The following ANXA11 variants were observed in gnomAD, a reference collection of about 807,000 sequenced individuals.
ANXA11 encodes 56 kDa autoantigen.
ANXA11 carries 57 observed loss-of-function variants against 64.7 expected under a neutral mutation model. The observed-to-expected ratio is 0.88, with a 90% CI of 0.71 to 1.10. The LOEUF is 1.10. Among genes scored for constraint, ANXA11 ranks in the 50% least tolerant of loss-of-function variants. ANXA11 has a pLI of 0.00. For missense variants in ANXA11, 675 were observed against 670.7 expected, an observed-to-expected ratio of 1.01 and a Z score of -0.07; for synonymous variants, 260 against 265.2, an observed-to-expected ratio of 0.98 and a Z score of 0.19.
chr10:80,165,508 A>G (rs1033561207), intron 8 of ANXA11, among the ~76,000 whole-genome samples: 1 of 152,182 alleles, frequency 6.6e-6, no homozygotes, highest in African/African-American at 2.4e-5. Flanking sequence ...GCTGGGTCTC[A>G]TAGTTATGCG....
chr10:80,192,004 C>T (rs1407050377), intron 1 of ANXA11, among the ~76,000 whole-genome samples: 1 of 152,212 alleles, frequency 6.6e-6, no homozygotes, highest in Admixed American at 6.5e-5. Context: ...CAGGCTAGAG[C>T]TCATCGTCCC....
intron 1 of ANXA11, among the ~76,000 whole-genome samples, chr10:80,187,406 T>C (rs1846583029): frequency 6.6e-6 from 1 of 152,218 alleles, no homozygotes; most frequent in South Asian, 2.1e-4. Flanking sequence ...TGCTGGCACC[T>C]TCATCTTCAA....
chr10:80,185,795 C>G (rs1264920023), intron 1 of ANXA11, among the ~76,000 whole-genome samples: 1 of 152,214 alleles, frequency 6.6e-6, no homozygotes, highest in African/African-American at 2.4e-5. Context: ...CAGTCTGCTT[C>G]CAAAGCCCAG....
At chr10:80,177,790 C>T (rs942638873) in intron 1 of ANXA11, among the ~76,000 whole-genome samples, 1 of 152,170 alleles carries the variant, frequency 6.6e-6, no homozygotes, top group African/African-American at 2.4e-5. Context: ...GCCTGTTTAT[C>T]TGCCTAATTA....
At chr10:80,205,224 G>T (rs975281032) in intron 1 of ANXA11, 119 bp downstream of exon 1, 2 of 149,376 alleles carry the variant, frequency 1.3e-5, no homozygotes, top group Non-Finnish European at 3.0e-5. Flanking sequence ...AGTGCAACCA[G>T]GAAGCCGCAG....
Position 80,152,766 on chromosome 10 carries a change from AC to A in ANXA11, c.*3086del, listed in dbSNP as rs752515070. On this transcript the variant is annotated 3_prime_UTR_variant, in exon 16 of 16. Transcript: ENST00000422982. ...ATGCTTGCAGGTGCACTCCCTGGCT[AC>A]AGGGTCAGCGGCTTAACTCTCCCTC... 6.6e-5 allele frequency: 10 copies of A among 152,346 alleles called. No individual in the cohort carries two copies. The highest frequency in any genetic ancestry group is 1.5e-4 in the Non-Finnish European group (10 of 68,112). 9.4% of individuals were successfully genotyped at this position (152,346 alleles called of 1,614,324 possible).
At chr10:80,182,721 AT>A (rs1242120547) in intron 1 of ANXA11, among the ~76,000 whole-genome samples, 1 of 152,062 alleles carries the variant, frequency 6.6e-6, no homozygotes, top group Non-Finnish European at 1.5e-5. Context: ...TATGTACATA[AT>A]TTTTTTAAAA....
intron 12 of ANXA11, among the ~76,000 whole-genome samples, chr10:80,161,200 CCACTCCTCTTGCT>C (rs1430854924): frequency 6.6e-6 from 1 of 152,216 alleles, no homozygotes; most frequent in Non-Finnish European, 1.5e-5. Flanking sequence ...CCCTCACCTC[CCACTCCTCTTGCT>C]CACTCCACCT....
In ANXA11 at chr10:80,171,168, G is replaced by A. The variant is rs556941251; in HGVS notation, c.56-253C>T. 3.0e-4 allele frequency: 405 copies of A among 1,358,630 alleles called. 1 individual carries two copies. The highest frequency in any genetic ancestry group is 9.5e-4 in the South Asian group (61 of 64,454). 84.2% of individuals were successfully genotyped at this position (1,358,630 alleles called of 1,614,324 possible). On this transcript the variant is annotated intron_variant, in intron 3 of 15. Coordinates refer to ENST00000422982, the MANE Select transcript of ANXA11 (RefSeq NM_145868.2). ...CCCAAACACTCCCAAGACCCTCTGT[G>A]GGGTATTAAGGAGGCTGGGAGAGCC...
chr10:80,200,641 G>C (rs1840379921), intron 1 of ANXA11, among the ~76,000 whole-genome samples: 1 of 152,226 alleles, frequency 6.6e-6, no homozygotes. Flanking sequence ...CTGAAGTTAA[G>C]AGATCTATCT....
chr10:80,187,300 C>A (rs551844151), intron 1 of ANXA11, among the ~76,000 whole-genome samples: 21 of 152,286 alleles, frequency 1.4e-4, no homozygotes, highest in African/African-American at 5.1e-4. Context: ...AAAAGAGATC[C>A]CAGAGGGCCC....
intron 1 of ANXA11, among the ~76,000 whole-genome samples, chr10:80,201,083 T>C (rs1455235938): frequency 1.3e-5 from 2 of 152,048 alleles, no homozygotes; most frequent in African/African-American, 4.8e-5. Flanking sequence ...AAGCCAACAT[T>C]TCAGAGCCTG....
chr10:80,163,671 T>A, intron 9 of ANXA11, 58 bp from the exon 10 acceptor site: 1 of 1,462,500 alleles, frequency 6.8e-7, no homozygotes, highest in Non-Finnish European at 9.4e-7. Context: ...AGCTGCCCAT[T>A]GCAAAACACT....
chr10:80,172,907 G>A, intron 2 of ANXA11, 38 bp from the exon 3 acceptor site: 1 of 1,597,034 alleles, frequency 6.3e-7, no homozygotes, highest in Non-Finnish European at 8.6e-7. Flanking sequence ...GGCTCTGCCT[G>A]AGAGCCCCTG....
At chr10:80,203,212 T>C (rs187396353) in intron 1 of ANXA11, among the ~76,000 whole-genome samples, 1 of 152,176 alleles carries the variant, frequency 6.6e-6, no homozygotes, top group Admixed American at 6.5e-5. Flanking sequence ...TATTCTACAA[T>C]TTCCAAGAAG....
rs1055785686 is a variant in ANXA11, at chr10:80,151,236, C to T, written c.*4617G>A. The T allele has an allele frequency of 7.2e-5, 11 of 152,194 alleles. No individual in the cohort carries two copies. The highest frequency in any genetic ancestry group is 2.0e-4 in the Admixed American group (3 of 15,268). The allele number at this position is 152,194 out of a possible 1,614,324, so 9.4% of individuals were successfully genotyped here. On this transcript the variant is annotated 3_prime_UTR_variant, in exon 16 of 16. Transcript: ENST00000422982. Reference sequence around the variant, plus strand: ...TCAGCTCTTAGTGTTGAGAAGGAGTCAGGCTCAAGCTAAACACCAATATTA... The same window carrying T: ...TCAGCTCTTAGTGTTGAGAAGGAGTTAGGCTCAAGCTAAACACCAATATTA...
intron 1 of ANXA11, among the ~76,000 whole-genome samples, chr10:80,194,159 G>A (rs951302770): frequency 6.6e-6 from 1 of 152,200 alleles, no homozygotes; most frequent in Non-Finnish European, 1.5e-5. Flanking sequence ...TCCAGGTTTT[G>A]TGGGGCCTGA....
intron 1 of ANXA11, among the ~76,000 whole-genome samples, chr10:80,195,291 A>G (rs756043051): frequency 5.9e-5 from 9 of 152,202 alleles, no homozygotes; most frequent in Non-Finnish European, 1.2e-4. Context: ...TGCTCTTCAG[A>G]TGGTGACAAT....
chr10:80,158,070 C>A (rs764475284), intron 13 of ANXA11, 45 bp from the exon 14 acceptor site: 77 of 1,587,278 alleles, frequency 4.9e-5, no homozygotes, highest in Non-Finnish European at 6.6e-5. Context: ...AGAAAATTCT[C>A]AGCCCAAGCA....
Sources: allele counts gnomAD v4.1 joint callset (sites outside exome capture counted in the v4.1 genomes callset), GRCh38; gene constraint gnomAD v4.1.1; transcripts MANE v1.5; gene names NCBI Gene and HGNC (gene_info 2026-07-23, HGNC 2026-07-21).